Variants in STXBP5L observed in about 807,000 individuals in gnomAD.
STXBP5L encodes the protein syntaxin binding protein 5L, also known as syntaxin-binding protein 5-like.
STXBP5L carries 65 observed loss-of-function variants against 144.5 expected under a neutral mutation model. The ratio of observed to expected loss-of-function variants is 0.45; its 90% confidence interval spans 0.37 to 0.55. The LOEUF (loss-of-function observed/expected upper bound fraction) is 0.55. Among genes scored for constraint, STXBP5L ranks in the 20% least tolerant of loss-of-function variants. STXBP5L has a pLI of 0.00. For missense variants in STXBP5L, 1,298 were observed against 1,405.5 expected, an observed-to-expected ratio of 0.92 and a Z score of 1.22; for synonymous variants, 505 against 469.6, an observed-to-expected ratio of 1.08 and a Z score of -0.97.
chr3:121,351,703 A>G (rs1011370367), intron 20 of STXBP5L, among the ~76,000 whole-genome samples: 1 of 151,896 alleles, frequency 6.6e-6, no homozygotes, highest in Non-Finnish European at 1.5e-5. Flanking sequence ...ATTAGATCCC[A>G]TTTGTCTATT....
At chr3:120,996,479 G>T (rs975040182) in intron 3 of STXBP5L, among the ~76,000 whole-genome samples, 2 of 151,978 alleles carry the variant, frequency 1.3e-5, no homozygotes, top group African/African-American at 2.4e-5. Context: ...GAGACTTAAG[G>T]TCTGTTCTTT....
At chr3:121,128,071 T>A (rs1233366154) in intron 7 of STXBP5L, among the ~76,000 whole-genome samples, 1 of 152,104 alleles carries the variant, frequency 6.6e-6, no homozygotes, top group Non-Finnish European at 1.5e-5. Flanking sequence ...AGAAATAGAA[T>A]ACCTACCAAA....
intron 3 of STXBP5L, 44 bp from the exon 4 acceptor site, chr3:121,041,656 G>C (rs766477673): frequency 2.2e-6 from 3 of 1,368,350 alleles, no homozygotes; most frequent in Non-Finnish European, 3.1e-6. Flanking sequence ...CATTAATATT[G>C]GTGCTAATTA....
intron 3 of STXBP5L, among the ~76,000 whole-genome samples, chr3:120,972,683 A>T (rs556124168): frequency 6.6e-5 from 10 of 151,990 alleles, no homozygotes; most frequent in Non-Finnish European, 1.0e-4. Context: ...TACCTCATTG[A>T]GTATGATGTT....
At chr3:121,348,006 T>C (rs1235699802) in intron 20 of STXBP5L, among the ~76,000 whole-genome samples, 2 of 151,906 alleles carry the variant, frequency 1.3e-5, no homozygotes, top group Non-Finnish European at 2.9e-5. Context: ...TGAATAGGAG[T>C]GGTGAGAGAG....
chr3:121,161,653 C>A (rs1183246425), intron 9 of STXBP5L, among the ~76,000 whole-genome samples: 1 of 151,940 alleles, frequency 6.6e-6, no homozygotes, highest in African/African-American at 2.4e-5. Context: ...GCTGCTGTTG[C>A]TGCAAACATC....
At chr3:121,106,609 T>C (rs1481195977) in intron 5 of STXBP5L, among the ~76,000 whole-genome samples, 1 of 152,240 alleles carries the variant, frequency 6.6e-6, no homozygotes, top group East Asian at 1.9e-4. Flanking sequence ...TTCCATGGTG[T>C]ATATGTATCA....
At chr3:121,348,948 T>C (rs1202456688) in intron 20 of STXBP5L, among the ~76,000 whole-genome samples, 2 of 152,136 alleles carry the variant, frequency 1.3e-5, no homozygotes, top group Non-Finnish European at 2.9e-5. Flanking sequence ...TTTTTGTGTG[T>C]CTATCTCCTT....
At chr3:120,991,022 C>A (rs554849995) in intron 3 of STXBP5L, among the ~76,000 whole-genome samples, 463 of 152,140 alleles carry the variant, frequency 3.0e-3, no homozygotes, top group Non-Finnish European at 5.6e-3. Context: ...GCAAAAGAAA[C>A]TACCATCAGA....
At chr3:120,933,695 G>A (rs1394225871) in intron 2 of STXBP5L, among the ~76,000 whole-genome samples, 3 of 152,116 alleles carry the variant, frequency 2.0e-5, no homozygotes, top group Non-Finnish European at 4.4e-5. Flanking sequence ...ATGTGATTAA[G>A]CATAGGCAGA....
chr3:121,211,229 G>C (rs1577221043), intron 10 of STXBP5L, among the ~76,000 whole-genome samples: 1 of 152,108 alleles, frequency 6.6e-6, no homozygotes, highest in East Asian at 1.9e-4. Flanking sequence ...TTGGCTCTCT[G>C]TCTGTTATTG....
chr3:121,288,146 A>C (rs2051296680), intron 19 of STXBP5L, among the ~76,000 whole-genome samples: 1 of 152,204 alleles, frequency 6.6e-6, no homozygotes, highest in African/African-American at 2.4e-5. Flanking sequence ...AGCTCTATTC[A>C]TGTTGCTGCA....
At chr3:121,075,635 G>A (rs1356471138) in intron 5 of STXBP5L, among the ~76,000 whole-genome samples, 1 of 152,220 alleles carries the variant, frequency 6.6e-6, no homozygotes, top group Non-Finnish European at 1.5e-5. Context: ...AAGCCAGTAA[G>A]ACTTGCAGAG....
intron 5 of STXBP5L, among the ~76,000 whole-genome samples, chr3:121,054,559 A>T (rs1560066020): frequency 7.6e-6 from 1 of 130,788 alleles, no homozygotes; most frequent in Non-Finnish European, 1.6e-5. Context: ...TGGACACAGG[A>T]AGGGGAACAT....
At chr3:121,370,899 G>A (rs191939393) in intron 20 of STXBP5L, among the ~76,000 whole-genome samples, 92 of 152,180 alleles carry the variant, frequency 6.0e-4, no homozygotes, top group Admixed American at 1.8e-3. Context: ...TTGTCTGTCC[G>A]CTCCTGTATT....
chr3:121,125,261 G>T (rs2044653588), intron 7 of STXBP5L, among the ~76,000 whole-genome samples: 1 of 152,160 alleles, frequency 6.6e-6, no homozygotes, highest in Admixed American at 6.6e-5. Flanking sequence ...CTGAGGTCAG[G>T]AGTTCAAGAC....
chr3:120,955,010 T>A lies in STXBP5L; in HGVS notation c.260T>A (p.Ile87Asn). ...GATCCAGTTCAGAAAATCTTGGCTA[T>A]TGGGACGAGAACAGGTGCTATACGA... The part of the protein sequence containing the change: ...AFDPVQKILA[I>N]GTRTGAIRIL... Residue 87 changes from isoleucine (I) to asparagine (N), a missense_variant, in exon 3 of 27, where the codon ATT becomes AAT. By Grantham distance (149) the Ile-to-Asn change is moderately radical. Coordinates refer to ENST00000471454, the MANE Select transcript of STXBP5L (RefSeq NM_001308330.2). 6.2e-7 allele frequency: 1 copy of A among 1,612,628 alleles called. No homozygotes were observed. The highest frequency in any genetic ancestry group is 8.5e-7 in the Non-Finnish European group (1 of 1,179,128).
At chr3:120,919,961 A>T (rs933481294) in intron 2 of STXBP5L, among the ~76,000 whole-genome samples, 2 of 151,138 alleles carry the variant, frequency 1.3e-5, no homozygotes, top group African/African-American at 4.9e-5. Context: ...TTTTTGAATT[A>T]TTTTATAATG....
chr3:120,916,919 A>T (rs1709130658), intron 2 of STXBP5L, among the ~76,000 whole-genome samples: 1 of 152,230 alleles, frequency 6.6e-6, no homozygotes, highest in African/African-American at 2.4e-5. Context: ...TAAATCTGTA[A>T]ACTGTAAAAG....
Sources: allele counts gnomAD v4.1 joint callset (sites outside exome capture counted in the v4.1 genomes callset), GRCh38; gene constraint gnomAD v4.1.1; transcripts MANE v1.5; gene names NCBI Gene and HGNC (gene_info 2026-07-23, HGNC 2026-07-21).